The following HEATR6 variants were observed in gnomAD, a reference collection of about 807,000 sequenced individuals.
The protein encoded by HEATR6 is HEAT repeat containing 6, also known as HEAT repeat-containing protein 6.
In HEATR6, 106 loss-of-function variants were observed where a neutral mutation model predicts 132.8. The ratio of observed to expected loss-of-function variants is 0.80; its 90% CI spans 0.68 to 0.94. The LOEUF (loss-of-function observed/expected upper bound fraction) is 0.94. HEATR6 is among the 40% of genes least tolerant of loss of function. HEATR6 has a pLI of 0.00. For missense variants in HEATR6, 1,339 were observed against 1,425.1 expected (o/e 0.94, Z 0.97); for synonymous variants, 529 against 537.8 (o/e 0.98, Z 0.23).
chr17:60,069,435 T>C (rs1203670205), intron 7 of HEATR6, among the ~76,000 whole-genome samples: 1 of 152,218 alleles, frequency 6.6e-6, no homozygotes, highest in Non-Finnish European at 1.5e-5. Context: ...TGACTCCTGG[T>C]CTTGAGCATC....
chr17:60,041,750 C>T lies in HEATR6; in HGVS notation c.*1813G>A, dbSNP rs1473644489. Among the ~76,000 whole-genome samples the T allele has an allele frequency of 6.6e-6, 1 of 152,084 alleles. No individual in the cohort carries two copies. Among genetic ancestry groups the T allele is most frequent in the East Asian group, 1.9e-4 (1 of 5,188 alleles). ...GCCCAGAGAGCAGTTTCTGAGCAGCCAACATGTCAGAGGCAGGAAAACAGC... is the reference window on the plus strand; with the variant it reads ...GCCCAGAGAGCAGTTTCTGAGCAGCTAACATGTCAGAGGCAGGAAAACAGC... On this transcript the variant is annotated 3_prime_UTR_variant, in exon 20 of 20. Transcript: ENST00000184956.
intron 12 of HEATR6, 135 bp from the exon 13 acceptor site, chr17:60,056,372 A>T: frequency 1.4e-6 from 1 of 737,112 alleles, no homozygotes; most frequent in Non-Finnish European, 2.1e-6. Context: ...TAAGAACCAT[A>T]ATCTTTATTT....
intron 17 of HEATR6, among the ~76,000 whole-genome samples, chr17:60,047,685 C>T (rs544904021): frequency 2.5e-4 from 38 of 151,582 alleles, no homozygotes; most frequent in African/African-American, 8.0e-4. Context: ...AACAAATGTT[C>T]AGTAATAGAA....
chr17:60,049,579 CCTGTCTGAGACAGGGAAAAAGCACATAGA>C lies in HEATR6; in HGVS notation c.2519_2547del (p.Val840GlyfsTer17), dbSNP rs1229412833. The C allele has an allele frequency of 6.2e-7, 1 of 1,613,588 alleles. No homozygotes were observed. Among genetic ancestry groups the C allele is most frequent in the African/African-American group, 1.3e-5 (1 of 74,916 alleles). ...GAAGAGCTAAATAGGCTCACTCTGA[CCTGTCTGAGACAGGGAAAAAGCACATAGA>C]CTCCCAGGGCCCGTGAAGTTGCAGC... On this transcript the variant is annotated frameshift_variant and splice_region_variant, in exon 16 of 20. Coordinates refer to ENST00000184956, the MANE Select transcript of HEATR6 (RefSeq NM_022070.5). LOFTEE classifies it high-confidence loss of function.
Position 60,076,082 on chromosome 17 carries a change from TACTC to T in HEATR6, c.327+44_327+47del, listed in dbSNP as rs760853198. 4.5e-6 allele frequency: 5 copies of T among 1,107,134 alleles called. No homozygotes were observed. In the Admixed American group the frequency reaches 6.9e-5, roughly 15 times the overall value. The allele number at this position is 1,107,134 out of a possible 1,614,324, so 68.6% of individuals were successfully genotyped here. A position where few individuals can be genotyped will look rare whatever the true frequency, so the allele number is the denominator to read the frequency against. On this transcript the variant is annotated intron_variant, in intron 2 of 19. Coordinates refer to ENST00000184956, the MANE Select transcript of HEATR6 (RefSeq NM_022070.5). ...ATGTAGTATTTCAAAGGTATTTACT[TACTC>T]TCAAAGTTCATGATCTGAATTCTAG...
intron 12 of HEATR6, 58 bp downstream of exon 12, chr17:60,056,990 C>T: frequency 7.6e-7 from 1 of 1,322,908 alleles, no homozygotes; most frequent in Non-Finnish European, 1.0e-6. Flanking sequence ...TCCTCACAGT[C>T]ACTCTGAAGG....
intron 15 of HEATR6, among the ~76,000 whole-genome samples, chr17:60,050,466 C>T (rs1906539928): frequency 6.6e-6 from 1 of 152,192 alleles, no homozygotes. Flanking sequence ...TTTCACATGA[C>T]TACCATCTTA....
At chr17:60,070,907 T>C in intron 5 of HEATR6, 100 bp from the exon 6 acceptor site, 3 of 679,666 alleles carry the variant, frequency 4.4e-6, no homozygotes, top group Non-Finnish European at 8.0e-6. Context: ...AGACAGTCTC[T>C]AGATGATGAA....
In HEATR6 at chr17:60,050,846, C is replaced by T. The variant is rs772877221; in HGVS notation, c.2421G>A (p.Leu807=). 2.2e-5 allele frequency: 36 copies of T among 1,614,048 alleles called. No homozygotes were observed. Among genetic ancestry groups the T allele is most frequent in the Non-Finnish European group, 2.7e-5 (32 of 1,180,018 alleles). ...TGAGAAAACACCCTCACATTACCGG[C>T]AGATTGCTGAAGGCCTCTGGCAAGA... ...SSILPEAFSN[L]PNDRQMLCIT... Residue 807 remains leucine (L), a synonymous_variant, in exon 15 of 20, where the codon CTG becomes CTA. Coordinates refer to ENST00000184956, the MANE Select transcript of HEATR6 (RefSeq NM_022070.5).
intron 19 of HEATR6, among the ~76,000 whole-genome samples, chr17:60,044,702 C>CT (rs1312868160): frequency 6.6e-6 from 1 of 152,218 alleles, no homozygotes. Flanking sequence ...TGCTTTCCTC[C>CT]TTACCAGAGC....
In HEATR6 at chr17:60,055,520, A is replaced by C. The variant is rs1267227955; in HGVS notation, c.2284T>G (p.Phe762Val). ...ATGAATTGACATTTATTTACCAAGA[A>C]GACTGGTGCTCTCTGATCAGGTGCT... ...TAAPDQRAPV[F>V]LVVMFWTMML... The change falls in exon 14 of 20, where the codon TTC becomes GTC. Residue 762 changes from phenylalanine to valine, a missense_variant. Transcript: ENST00000184956. 1 of 1,602,044 alleles carries C rather than the reference A, an allele frequency of 6.2e-7. No individual in the cohort carries two copies. Among genetic ancestry groups the C allele is most frequent in the African/African-American group, 1.3e-5 (1 of 74,458 alleles).
chr17:60,055,145 C>G (rs1177036136), intron 14 of HEATR6, among the ~76,000 whole-genome samples: 1 of 152,158 alleles, frequency 6.6e-6, no homozygotes, highest in Non-Finnish European at 1.5e-5. Flanking sequence ...CCTTTGCCTT[C>G]CACCAGGATT....
intron 15 of HEATR6, among the ~76,000 whole-genome samples, chr17:60,050,640 CA>C (rs1290009259): frequency 6.6e-6 from 1 of 152,194 alleles, no homozygotes; most frequent in African/African-American, 2.4e-5. Context: ...CTCTCATGCA[CA>C]GGGGGAAACA....
At chr17:60,064,718 A>T (rs1452330017) in intron 9 of HEATR6, 1 of 152,218 alleles carries the variant, frequency 6.6e-6, no homozygotes, top group East Asian at 1.9e-4. Context: ...AGCAAGAACA[A>T]GTCTAAAAGG....
chr17:60,073,612 T>G, intron 3 of HEATR6, 134 bp downstream of exon 3: 10 of 801,260 alleles, frequency 1.2e-5, no homozygotes, highest in Non-Finnish European at 1.8e-5. Flanking sequence ...ATTTTATACA[T>G]GAGGAAACAA....
chr17:60,073,350 CTTCT>C, intron 3 of HEATR6, 71 bp from the exon 4 acceptor site: 1 of 920,004 alleles, frequency 1.1e-6, no homozygotes. Context: ...AGACAGATTT[CTTCT>C]TTCTTTTTTT....
intron 19 of HEATR6, among the ~76,000 whole-genome samples, chr17:60,044,792 A>G (rs1016735034): frequency 5.9e-5 from 9 of 152,164 alleles, no homozygotes; most frequent in African/African-American, 2.2e-4. Context: ...TAACTCTCCC[A>G]GCCCTTCCTG....
At chr17:60,048,206 A>G in intron 17 of HEATR6, 58 bp downstream of exon 17, 2 of 1,416,300 alleles carry the variant, frequency 1.4e-6, no homozygotes, top group Non-Finnish European at 2.0e-6. Flanking sequence ...GATCGAGGAC[A>G]TTCTCTTGGG....
rs1353490357 is a variant in HEATR6, at chr17:60,060,042, A to C, written c.1471T>G (p.Phe491Val). The C allele has an allele frequency of 6.2e-7, 1 of 1,614,028 alleles. No homozygotes were observed. The highest frequency in any genetic ancestry group is 1.1e-5 in the South Asian group (1 of 91,076). Residue 491 changes from phenylalanine (F) to valine (V), a missense_variant, in exon 10 of 20, where the codon TTT becomes GTT. Transcript: ENST00000184956. ...CTGGTATCTTCAGCAACAGAAAGAA[A>C]CTGCTTTGAGCCTTCCAAGATGGCA... ...LSAILEGSKQ[F>V]LSVAEDTSDH...
Sources: gnomAD v4.1 joint callset for allele counts (sites outside exome capture counted in the v4.1 genomes callset) on GRCh38, gnomAD v4.1.1 for gene constraint, MANE v1.5 for transcripts, NCBI Gene and HGNC (gene_info 2026-07-23, HGNC 2026-07-21) for gene names.